Variants in DNAI2 observed in about 807,000 individuals in gnomAD.
DNAI2 encodes dynein axonemal intermediate chain 2, also known as dynein, axonemal, intermediate polypeptide 2.
DNAI2 carries 63 observed loss-of-function variants against 74.7 expected under a neutral mutation model. That is an observed-to-expected ratio of 0.84 (90% CI 0.69 to 1.04). DNAI2 has a LOEUF of 1.04. Among genes scored for constraint, DNAI2 ranks in the 50% least tolerant of loss-of-function variants. The probability of loss-of-function intolerance (pLI) is 0.00; values close to 1 mark genes in which losing one functional copy is unlikely to be tolerated. For synonymous variants in DNAI2, 289 were observed against 314.9 expected (o/e 0.92, Z 0.87); for missense variants, 688 against 803.2 (o/e 0.86, Z 1.73).
chr17:74,288,103 T>C (rs1400204483), intron 4 of DNAI2, among the ~76,000 whole-genome samples: 1 of 152,192 alleles, frequency 6.6e-6, no homozygotes, highest in Admixed American at 6.5e-5. Context: ...ACTTAAACCA[T>C]TTTTTGTCTT....
chr17:74,283,897 A>G (rs11657608), intron 2 of DNAI2, among the ~76,000 whole-genome samples: 49,614 of 151,590 alleles, frequency 0.33, 8,973 homozygotes, highest in Non-Finnish European at 0.43. Context: ...CAGCACTTCC[A>G]GAGGCTGAGG....
intron 9 of DNAI2, among the ~76,000 whole-genome samples, chr17:74,308,940 G>A (rs2053341531): frequency 6.6e-6 from 1 of 151,386 alleles, no homozygotes; most frequent in Non-Finnish European, 1.5e-5. Context: ...ACGGGCGCCA[G>A]TAATCCCAGT....
Position 74,285,089 on chromosome 17 carries a change from A to G in DNAI2, c.233A>G (p.Glu78Gly), listed in dbSNP as rs1567844381. Residue 78 changes from glutamate (E) to glycine (G), a missense_variant, in exon 3 of 14, where the codon GAG becomes GGG. Physicochemically the swap from Glu to Gly is moderately conservative, Grantham distance 98 (BLOSUM62 -2). Transcript: ENST00000311014. ...EMETRGVNHV[E>G]GGWPKDVNPL... ...GAGACCCGGGGAGTTAACCATGTCG[A>G]GGGGGGCTGGCCCAAGGACGTGAAC... The G allele has an allele frequency of 1.6e-5, 26 of 1,614,194 alleles. No homozygotes were observed. The highest frequency in any genetic ancestry group is 2.2e-5 in the Non-Finnish European group (26 of 1,180,034).
At chr17:74,309,609 CA>C in intron 10 of DNAI2, 1 of 728,120 alleles carries the variant, frequency 1.4e-6, no homozygotes, top group Non-Finnish European at 2.4e-6. Context: ...GGTAGCACAA[CA>C]GAACCACCTG....
chr17:74,289,587 C>T lies in DNAI2; in HGVS notation c.468-7C>T, dbSNP rs756523421. 2 of 1,613,990 alleles carry T rather than the reference C, an allele frequency of 1.2e-6. No individual in the cohort carries two copies. The highest frequency in any genetic ancestry group is 1.7e-6 in the Non-Finnish European group (2 of 1,180,002). On this transcript the variant is annotated splice_region_variant and splice_polypyrimidine_tract_variant and intron_variant, in intron 4 of 13. Transcript: ENST00000311014. The stretch of plus-strand genomic sequence containing the variant: ...CAGCCTTCTGCTCTCTTCCCTCTCC[C>T]CTGCAGGGACCCCCAGGAAATCAAG...
In DNAI2 at chr17:74,300,330, T is replaced by C. The variant is rs1200842430; in HGVS notation, c.864+473T>C. On this transcript the variant is annotated intron_variant, in intron 7 of 13. Coordinates refer to ENST00000311014, the MANE Select transcript of DNAI2 (RefSeq NM_023036.6). This position sits in a 1 kb window ranked among gnomAD's most constrained non-coding sequence, Gnocchi z 4.5. ...GGGTGCAAAAAAGAAAATGCCTTCC[T>C]CTCACCTCTGCCTGCACCTCCTCCC... 6.6e-6 allele frequency among the ~76,000 whole-genome samples: 1 copy of C among 152,176 alleles called. No homozygotes were observed. The highest frequency in any genetic ancestry group is 1.5e-5 in the Non-Finnish European group (1 of 68,030).
intron 1 of DNAI2, chr17:74,281,488 C>T (rs941414059): frequency 3.6e-6 from 2 of 554,144 alleles, no homozygotes; most frequent in Non-Finnish European, 6.4e-6. Flanking sequence ...GAACTCCTGA[C>T]CTCAGGTGAT....
intron 3 of DNAI2, among the ~76,000 whole-genome samples, chr17:74,286,752 T>G (rs1481586454): frequency 1.3e-5 from 2 of 152,162 alleles, no homozygotes; most frequent in Non-Finnish European, 2.9e-5. Flanking sequence ...ATAGACATAC[T>G]GTATATCTGT....
chr17:74,313,010 G>C (rs1174392274), intron 12 of DNAI2, among the ~76,000 whole-genome samples: 23 of 152,242 alleles, frequency 1.5e-4, no homozygotes, highest in Non-Finnish European at 1.5e-5. Flanking sequence ...CAGACTTGGG[G>C]ATTGCAGGCA....
Position 74,305,404 on chromosome 17 carries a change from G to T in DNAI2, c.1173G>T (p.Trp391Cys), listed in dbSNP as rs1261918364. ...TTGGCGACTGGACAGCCCGCATTTG[G>T]TCTGAAGACAGCCGGGAATCGTCCA... ...LTVGDWTARI[W>C]SEDSRESSIM... The change falls in exon 9 of 14, where the codon TGG becomes TGT. Residue 391 changes from tryptophan (W) to cysteine (C), a missense_variant. Trp to Cys is a radical substitution (Grantham distance 215). Transcript: ENST00000311014. 2 of 1,614,184 alleles carry T rather than the reference G, an allele frequency of 1.2e-6. No individual in the cohort carries two copies. The highest frequency in any genetic ancestry group is 3.3e-5 in the Admixed American group (2 of 60,024).
chr17:74,279,299 T>C (rs1217279315), intron 1 of DNAI2, among the ~76,000 whole-genome samples: 1 of 152,190 alleles, frequency 6.6e-6, no homozygotes, highest in Admixed American at 6.5e-5. Flanking sequence ...CAAAATAATT[T>C]AATTATACAT....
chr17:74,287,116 C>T lies in DNAI2; in HGVS notation c.467+18C>T. The T allele has an allele frequency of 6.2e-7, 1 of 1,613,212 alleles. No individual in the cohort carries two copies. Among genetic ancestry groups the T allele is most frequent in the Non-Finnish European group, 8.5e-7 (1 of 1,179,514 alleles). The stretch of plus-strand genomic sequence containing the variant: ...GTGTTCAGGTAGCGCCATAGCCAGG[C>T]AGGTGTCTGGCCACCCTCCGTCACC... On this transcript the variant is annotated intron_variant, in intron 4 of 13. Transcript: ENST00000311014.
intron 1 of DNAI2, among the ~76,000 whole-genome samples, chr17:74,280,418 A>G (rs2051325446): frequency 6.6e-6 from 1 of 152,140 alleles, no homozygotes; most frequent in African/African-American, 2.4e-5. Context: ...CCCACTTCCC[A>G]ATTCCCTGCT....
At chr17:74,284,138 CAAA>C (rs545732470) in intron 2 of DNAI2, among the ~76,000 whole-genome samples, 1 of 72,374 alleles carries the variant, frequency 1.4e-5, no homozygotes, top group Non-Finnish European at 3.0e-5. Flanking sequence ...AACTCCTTTT[CAAA>C]AAAAAAAAAA....
rs1598339876 is a variant in DNAI2 at position 74,309,246 on chromosome 17, C to T, written c.1212-7C>T. On this transcript the variant is annotated splice_region_variant and splice_polypyrimidine_tract_variant and intron_variant, in intron 9 of 13. Transcript: ENST00000311014. ...CCTCCAACCATGATGTGGTCTACCT[C>T]CCACAGGTACCACATGGCTTACCTC... 2 of 1,613,956 alleles carry T rather than the reference C, an allele frequency of 1.2e-6. No individual in the cohort carries two copies. The highest frequency in any genetic ancestry group is 1.7e-6 in the Non-Finnish European group (2 of 1,179,970).
rs71361610 is a variant in DNAI2, at chr17:74,278,267, CAA to C, written c.-11-3528_-11-3527del. 5.8e-3 allele frequency among the ~76,000 whole-genome samples: 836 copies of C among 143,992 alleles called. 5 individuals carry two copies. Among genetic ancestry groups the C allele is most frequent in the African/African-American group, 0.018 (693 of 39,380 alleles). 94.5% of individuals were successfully genotyped at this position (143,992 alleles called of 152,430 possible). On this transcript the variant is annotated intron_variant, in intron 1 of 13. Coordinates refer to ENST00000311014, the MANE Select transcript of DNAI2 (RefSeq NM_023036.6). ...CAACATAGTGAGACCCTCAACTCTA[CAA>C]AAAAAAAAAAATTAGTCTGATGTGG...
rs36055191 is a variant in DNAI2 at position 74,291,867 on chromosome 17, A to ATTT, written c.724+746_724+748dup. ...GGAAGTTTGTGAAGAATTGATATTA[A>ATTT]TTTTTTTTTTTTTTGAGATGGAGTC... On this transcript the variant is annotated intron_variant, in intron 6 of 13. Coordinates refer to ENST00000311014, the MANE Select transcript of DNAI2 (RefSeq NM_023036.6). Among the ~76,000 whole-genome samples the ATTT allele has an allele frequency of 2.4e-4, 35 of 145,130 alleles. 1 individual carries two copies. The highest frequency in any genetic ancestry group is 6.9e-4 in the Admixed American group (10 of 14,390).
chr17:74,295,574 G>A (rs1156652800), intron 6 of DNAI2, among the ~76,000 whole-genome samples: 3 of 152,070 alleles, frequency 2.0e-5, no homozygotes. Context: ...GCTTCTTGGG[G>A]ACAATCTCTA....
At position 74,312,126 on chromosome 17, in the gene DNAI2, G is replaced by T; in HGVS notation, c.1618G>T (p.Asp540Tyr). 6.2e-7 allele frequency: 1 copy of T among 1,613,878 alleles called. No homozygotes were observed. Among genetic ancestry groups the T allele is most frequent in the Non-Finnish European group, 8.5e-7 (1 of 1,180,002 alleles). Residue 540 changes from aspartate to tyrosine, a missense_variant, in exon 12 of 14, where the codon GAC (aspartate) becomes TAC (tyrosine). Transcript: ENST00000311014. ...EEQTDEELAV[D>Y]LEALVSKAEE... ...GCAGACCGATGAGGAGCTGGCCGTA[G>T]ACCTGGAGGCGCTGGTCAGCAAGGC...
Sources: allele counts gnomAD v4.1 joint callset (sites outside exome capture counted in the v4.1 genomes callset), GRCh38; gene constraint gnomAD v4.1.1; non-coding constraint Gnocchi (gnomAD v3.1); transcripts MANE v1.5; gene names NCBI Gene and HGNC (gene_info 2026-07-23, HGNC 2026-07-21).